ATP2A1: variants seen among roughly 807,000 people sequenced by gnomAD.
ATP2A1 encodes the protein sarcoplasmic/endoplasmic reticulum calcium ATPase 1.
ATP2A1 carries 83 observed loss-of-function variants against 109.5 expected under a neutral mutation model. The ratio of observed to expected loss-of-function variants is 0.76; its 90% CI spans 0.63 to 0.91. The LOEUF is 0.91. Ranked by LOEUF, ATP2A1 falls within the 40% of genes least tolerant of loss-of-function variation. The pLI, the probability that ATP2A1 is intolerant of heterozygous loss-of-function variation, is 0.00. For missense variants in ATP2A1, 1,101 were observed against 1,341.0 expected, an observed-to-expected ratio of 0.82 and a Z score of 2.80; for synonymous variants, 505 against 537.6, an observed-to-expected ratio of 0.94 and a Z score of 0.84.
At position 28,898,532 on chromosome 16, in the gene ATP2A1, G is replaced by A. The variant is rs997604789; in HGVS notation, c.1764+81G>A. On this transcript the variant is annotated intron_variant, in intron 14 of 22. Transcript: ENST00000395503. This position sits in a 1 kb window ranked among gnomAD's most constrained non-coding sequence, Gnocchi z 4.0. The stretch of plus-strand genomic sequence containing the variant: ...CCATCCACTCACAGCTCCACCACCC[G>A]GATCATTTCCTACCTCGTCAGTCAA... 8.9e-6 allele frequency: 13 copies of A among 1,454,026 alleles called. No homozygotes were observed. Among genetic ancestry groups the A allele is most frequent in the South Asian group, 3.6e-5 (3 of 83,288 alleles). The allele number at this position is 1,454,026 out of a possible 1,614,324, so 90.1% of individuals were successfully genotyped here.
At position 28,896,211 on chromosome 16, in the gene ATP2A1, T is replaced by G. The variant is rs542529158; in HGVS notation, c.1419+1258T>G. On this transcript the variant is annotated intron_variant, in intron 12 of 22. Transcript: ENST00000395503. ...TGGTGAAAAAGGCTTTCATTCTTTT[T>G]GTTTGTTTGTTTGTTTGTTTGTTTG... Among the ~76,000 whole-genome samples the G allele has an allele frequency of 2.7e-5, 4 of 146,754 alleles. No homozygotes were observed. In the East Asian group the frequency reaches 7.8e-4, roughly 29 times the overall value.
intron 7 of ATP2A1, 59 bp from the exon 8 acceptor site, chr16:28,887,366 G>T (rs1361741495): frequency 6.2e-7 from 1 of 1,612,594 alleles, no homozygotes; most frequent in Non-Finnish European, 8.5e-7. Context: ...ATGGCGTGGG[G>T]AGATGCGGCA....
rs776707335 is a variant in ATP2A1, at chr16:28,878,646, GC to G, written c.-22del. On this transcript the variant is annotated 5_prime_UTR_variant, in exon 1 of 23. Coordinates refer to ENST00000395503, the MANE Select transcript of ATP2A1 (RefSeq NM_004320.6). ...GGAACCCCCTGGAAGGAACACACCG[GC>G]CCCGGCCCCCAGGAAGGGAGCACAA... is the stretch of plus-strand genomic sequence containing the variant. The G allele has an allele frequency of 4.5e-5, 71 of 1,566,894 alleles. No homozygotes were observed. Among genetic ancestry groups the G allele is most frequent in the Non-Finnish European group, 5.9e-5 (68 of 1,151,606 alleles).
At chr16:28,888,226 T>A (rs1027149181) in intron 8 of ATP2A1, among the ~76,000 whole-genome samples, 1 of 151,714 alleles carries the variant, frequency 6.6e-6, no homozygotes, top group African/African-American at 2.4e-5. Flanking sequence ...AGAGATGGGG[T>A]TTCACCATGT....
chr16:28,885,578 G>A (rs565813053), intron 6 of ATP2A1, among the ~76,000 whole-genome samples: 58 of 151,904 alleles, frequency 3.8e-4, no homozygotes, highest in African/African-American at 1.3e-3. Flanking sequence ...TCCTGACCTC[G>A]TGATCCACCC....
chr16:28,887,091 C>A, intron 6 of ATP2A1, 98 bp from the exon 7 acceptor site: 4 of 1,306,974 alleles, frequency 3.1e-6, no homozygotes, highest in South Asian at 1.2e-5. Flanking sequence ...TTGGTCCTTA[C>A]CAGGAGCTGT....
intron 5 of ATP2A1, among the ~76,000 whole-genome samples, chr16:28,882,803 G>A (rs921729146): frequency 3.9e-5 from 6 of 152,192 alleles, no homozygotes; most frequent in Non-Finnish European, 7.4e-5. Flanking sequence ...TGTCCCTGAG[G>A]CTGCAGGCAG....
chr16:28,894,656 G>GA, intron 11 of ATP2A1, 49 bp downstream of exon 11: 3 of 1,605,136 alleles, frequency 1.9e-6, no homozygotes, highest in Non-Finnish European at 2.6e-6. Context: ...GGCCTCCTCC[G>GA]AAGGCCAGGA....
In ATP2A1 at chr16:28,880,143, G is replaced by T; in HGVS notation, c.219+560G>T. ...TCATTACCCGCCCAGCCTGGCCTTAGCCCTTCCCCGCGCTCCCTAGGCACC... is the reference window on the plus strand; with the variant it reads ...TCATTACCCGCCCAGCCTGGCCTTATCCCTTCCCCGCGCTCCCTAGGCACC... On this transcript the variant is annotated intron_variant, in intron 3 of 22. Transcript: ENST00000395503. The surrounding 1 kb of genome is among the most constrained non-coding windows in gnomAD (Gnocchi z 4.2). 1.0e-6 allele frequency: 1 copy of T among 996,288 alleles called. No homozygotes were observed. The highest frequency in any genetic ancestry group is 4.6e-5 in the South Asian group (1 of 21,880). The allele number at this position is 996,288 out of a possible 1,614,324, so 61.7% of individuals were successfully genotyped here.
chr16:28,878,919 C>G, intron 1 of ATP2A1, 130 bp downstream of exon 1: 1 of 1,335,082 alleles, frequency 7.5e-7, no homozygotes, highest in Non-Finnish European at 1.1e-6. Flanking sequence ...CCAATGCTCG[C>G]AGGGGGAAGA....
In ATP2A1 at chr16:28,887,776, CCTTTT is replaced by C. The variant is rs374674087; in HGVS notation, c.928+75_928+79del. ...TTTGCTAATCCCATCTGCAAAGACC[CCTTTT>C]CTTTTCTTTTCTTTTCTTTTTTTCT... On this transcript the variant is annotated intron_variant, in intron 8 of 22. Coordinates refer to ENST00000395503, the MANE Select transcript of ATP2A1 (RefSeq NM_004320.6). 1.3e-3 allele frequency: 1,999 copies of C among 1,582,258 alleles called. 8 individuals carry two copies. The highest frequency in any genetic ancestry group is 3.6e-3 in the African/African-American group (263 of 73,916).
chr16:28,890,292 C>CAAAAAA (rs767608802), intron 9 of ATP2A1, among the ~76,000 whole-genome samples: 2 of 74,390 alleles, frequency 2.7e-5, no homozygotes, highest in Non-Finnish European at 2.8e-5. Flanking sequence ...CCGTCTCTAC[C>CAAAAAA]AAAAAAAAAA....
chr16:28,903,373 C>G lies in ATP2A1; in HGVS notation c.2913C>G (p.Leu971=). 6.2e-7 allele frequency: 1 copy of G among 1,614,018 alleles called. No homozygotes were observed. The highest frequency in any genetic ancestry group is 8.5e-7 in the Non-Finnish European group (1 of 1,179,960). ...ACCTCACCCAGTGGCTCATGGTCCT[C>G]AAGATCTCACTGCCAGTCATTGGGC... ...ALDLTQWLMV[L]KISLPVIGLD... Residue 971 remains leucine, a synonymous_variant, in exon 21 of 23, where the codon CTC becomes CTG. Coordinates refer to ENST00000395503, the MANE Select transcript of ATP2A1 (RefSeq NM_004320.6). The surrounding 1 kb of genome is among the most constrained non-coding windows in gnomAD (Gnocchi z 5.6).
Position 28,894,896 on chromosome 16 carries a change from G to T in ATP2A1, c.1362G>T (p.Val454=). Residue 454 remains valine (V), a synonymous_variant, in exon 12 of 23, where the codon GTG becomes GTT. Coordinates refer to ENST00000395503, the MANE Select transcript of ATP2A1 (RefSeq NM_004320.6). ...CCACCCTGGTGGAGAAGATGAATGTGTTCAACACGGATGTGAGAAGCCTCT... is the reference window on the plus strand; with the variant it reads ...CCACCCTGGTGGAGAAGATGAATGTTTTCAACACGGATGTGAGAAGCCTCT... ...ALTTLVEKMN[V]FNTDVRSLSK... is the part of the protein sequence containing the mutation. 1 of 1,612,526 alleles carries T rather than the reference G, an allele frequency of 6.2e-7. No individual in the cohort carries two copies.
chr16:28,903,628 C>T lies in ATP2A1; in HGVS notation c.2981-72C>T, dbSNP rs1026100372. The T allele has an allele frequency of 3.9e-6, 5 of 1,294,152 alleles. No individual in the cohort carries two copies. The African/African-American group carries it at 5.8e-5, about 15-fold the overall frequency. 80.2% of individuals were successfully genotyped at this position (1,294,152 alleles called of 1,614,324 possible). The stretch of plus-strand genomic sequence containing the variant: ...GGGCAGCCCCACTGCCTCCTCAGCC[C>T]CCACAGCCCCTATAGCCCCCATGCC... On this transcript the variant is annotated intron_variant, in intron 21 of 22. Coordinates refer to ENST00000395503, the MANE Select transcript of ATP2A1 (RefSeq NM_004320.6). The surrounding 1 kb of genome is among the most constrained non-coding windows in gnomAD (Gnocchi z 5.6).
At chr16:28,882,409 C>T (rs756160413) in intron 4 of ATP2A1, 42 bp from the exon 5 acceptor site, 1 of 1,612,538 alleles carries the variant, frequency 6.2e-7, no homozygotes, top group South Asian at 1.1e-5. Flanking sequence ...CATAACTCTG[C>T]CTCCTGTGTA....
chr16:28,884,733 A>T, intron 6 of ATP2A1, 78 bp downstream of exon 6: 1 of 1,370,664 alleles, frequency 7.3e-7, no homozygotes, highest in Non-Finnish European at 1.0e-6. Flanking sequence ...GTGAGTGGAA[A>T]GACAGAGAAC....
chr16:28,880,881 A>G lies in ATP2A1; in HGVS notation c.220-34A>G, dbSNP rs561617609. On this transcript the variant is annotated intron_variant, in intron 3 of 22. Transcript: ENST00000395503. The surrounding 1 kb of genome is among the most constrained non-coding windows in gnomAD (Gnocchi z 4.2). ...CTTTCTCCATCTGTTTTGGGGCCTC[A>G]TTACCTGTCATTCTCCTTTCCCCTG... The G allele has an allele frequency of 6.3e-7, 1 of 1,589,188 alleles. No individual in the cohort carries two copies. Among genetic ancestry groups the G allele is most frequent in the African/African-American group, 1.3e-5 (1 of 74,430 alleles).
At chr16:28,897,243 C>G (rs551491266) in intron 12 of ATP2A1, among the ~76,000 whole-genome samples, 8 of 152,152 alleles carry the variant, frequency 5.3e-5, no homozygotes, top group Non-Finnish European at 1.2e-4. Context: ...TGCCTGTAAT[C>G]CCAATGCTTT....
Sources: gnomAD v4.1 joint callset for allele counts (sites outside exome capture counted in the v4.1 genomes callset) on GRCh38, gnomAD v4.1.1 for gene constraint, Gnocchi (gnomAD v3.1) non-coding constraint, MANE v1.5 for transcripts, NCBI Gene and HGNC (gene_info 2026-07-23, HGNC 2026-07-21) for gene names.